LRP1B: variants seen among roughly 807,000 people sequenced by gnomAD.
LRP1B encodes the protein low-density lipoprotein receptor-related protein 1B.
Under a neutral mutation model 556.6 loss-of-function variants are expected in LRP1B, and 217 were observed. The ratio of observed to expected loss-of-function variants is 0.39; its 90% CI spans 0.35 to 0.44. The LOEUF (loss-of-function observed/expected upper bound fraction) is 0.44. Among genes scored for constraint, LRP1B ranks in the 20% least tolerant of loss-of-function variants. The pLI is 1.00. For synonymous variants in LRP1B, 2,047 were observed against 1,865.8 expected (o/e 1.10, Z -2.50); for missense variants, 5,053 against 5,620.8 (o/e 0.90, Z 3.23).
intron 2 of LRP1B, among the ~76,000 whole-genome samples, chr2:141,507,121 T>A (rs1683960615): frequency 6.6e-6 from 1 of 152,148 alleles, no homozygotes; most frequent in Non-Finnish European, 1.5e-5. Context: ...ATACAGTAAG[T>A]AAAATAATTT....
At chr2:141,237,943 A>G (rs1421910216) in intron 5 of LRP1B, among the ~76,000 whole-genome samples, 1 of 152,156 alleles carries the variant, frequency 6.6e-6, no homozygotes, top group Non-Finnish European at 1.5e-5. Flanking sequence ...GAACTCCTCA[A>G]TGTTTTTTAA....
intron 2 of LRP1B, among the ~76,000 whole-genome samples, chr2:141,682,152 G>A (rs1457600722): frequency 6.6e-6 from 1 of 151,984 alleles, no homozygotes. Flanking sequence ...TTGAGTTTAG[G>A]GATATAGAAA....
chr2:141,026,385 A>T (rs1232383565), intron 11 of LRP1B, among the ~76,000 whole-genome samples: 2 of 152,104 alleles, frequency 1.3e-5, no homozygotes, highest in Non-Finnish European at 1.5e-5. Flanking sequence ...TGTTTACTGA[A>T]CTTTAAAAAA....
chr2:141,784,124 A>C (rs1695348839), intron 2 of LRP1B, among the ~76,000 whole-genome samples: 1 of 152,002 alleles, frequency 6.6e-6, no homozygotes, highest in Admixed American at 6.6e-5. Context: ...GAAATTACAA[A>C]AACTATCCTT....
At chr2:141,413,868 G>A (rs552896180) in intron 3 of LRP1B, among the ~76,000 whole-genome samples, 40 of 148,216 alleles carry the variant, frequency 2.7e-4, no homozygotes, top group African/African-American at 6.9e-4. Flanking sequence ...GACACAGTGA[G>A]GAGAGAGAGA....
intron 1 of LRP1B, among the ~76,000 whole-genome samples, chr2:142,102,561 T>A (rs5834899): frequency 5.9e-4 from 28 of 47,132 alleles, no homozygotes; most frequent in African/African-American, 1.0e-3. Context: ...AATAAAAAAA[T>A]AAAAAAGTAA....
At chr2:140,394,931 ATACT>A (rs1364785136) in intron 66 of LRP1B, among the ~76,000 whole-genome samples, 1 of 152,122 alleles carries the variant, frequency 6.6e-6, no homozygotes, top group Non-Finnish European at 1.5e-5. Flanking sequence ...GAGTAAAGAC[ATACT>A]TATAAATGGA....
rs189677775 is a variant in LRP1B at position 141,167,409 on chromosome 2, C to T, written c.1013+21012G>A. 1.7e-3 allele frequency: 264 copies of T among 151,860 alleles called. 2 individuals are homozygous for T. Among genetic ancestry groups the T allele is most frequent in the African/African-American group, 6.0e-3 (251 of 41,504 alleles). The allele number at this position is 151,860 out of a possible 1,614,324, so 9.4% of individuals were successfully genotyped here. On this transcript the variant is annotated intron_variant, in intron 7 of 90. Transcript: ENST00000389484. ...AGTTCCCATTATATTTTCCAATAAT[C>T]GTGTCTATATAGATTAACCCAAAGA...
intron 1 of LRP1B, among the ~76,000 whole-genome samples, chr2:141,990,578 T>C (rs1702314865): frequency 6.6e-6 from 1 of 152,054 alleles, no homozygotes; most frequent in Non-Finnish European, 1.5e-5. Context: ...TAAACTTTAC[T>C]CTTAGACCAT....
intron 1 of LRP1B, among the ~76,000 whole-genome samples, chr2:141,885,659 A>G (rs11900370): frequency 0.078 from 11,900 of 152,242 alleles, 1,554 homozygotes; most frequent in African/African-American, 0.27. Context: ...CAGGTCTGCA[A>G]CCAAGTGAAC....
intron 2 of LRP1B, among the ~76,000 whole-genome samples, chr2:141,515,036 C>T (rs1208435052): frequency 1.3e-5 from 2 of 152,156 alleles, no homozygotes; most frequent in Non-Finnish European, 2.9e-5. Flanking sequence ...GGCATGGTGG[C>T]TCACGCCTGT....
chr2:141,076,157 G>A (rs1271222164), intron 7 of LRP1B, among the ~76,000 whole-genome samples: 1 of 152,156 alleles, frequency 6.6e-6, no homozygotes, highest in Non-Finnish European at 1.5e-5. Context: ...CAGGAATGCA[G>A]TATCAACCTC....
chr2:140,594,770 C>T (rs555729612), intron 43 of LRP1B, among the ~76,000 whole-genome samples: 6 of 152,134 alleles, frequency 3.9e-5, no homozygotes, highest in Non-Finnish European at 8.8e-5. Flanking sequence ...TGCAATTATG[C>T]AAAATAAATG....
At position 141,049,183 on chromosome 2, in the gene LRP1B, C is replaced by A. The variant is rs773459049; in HGVS notation, c.1592G>T (p.Arg531Leu). The A allele has an allele frequency of 2.5e-6, 4 of 1,613,228 alleles. No individual in the cohort carries two copies. Among genetic ancestry groups the A allele is most frequent in the Admixed American group, 3.3e-5 (2 of 59,908 alleles). Residue 531 changes from arginine (R) to leucine (L), a missense_variant, in exon 11 of 91, where the codon CGC (arginine) becomes CTC (leucine). Transcript: ENST00000389484. ...GTCCATTCCTCTAACAATTCCTGGG[C>A]GTCCTTTCCCATAAAAGAGGAACAA... The part of the protein sequence containing the change: ...NELFLFYGKG[R>L]PGIVRGMDLN...
intron 2 of LRP1B, among the ~76,000 whole-genome samples, chr2:141,643,976 G>A (rs958313551): frequency 6.6e-6 from 1 of 151,218 alleles, no homozygotes; most frequent in African/African-American, 2.4e-5. Context: ...GCACATGATA[G>A]GTGCACAATA....
At chr2:141,980,562 T>C (rs1702014885) in intron 1 of LRP1B, among the ~76,000 whole-genome samples, 1 of 152,110 alleles carries the variant, frequency 6.6e-6, no homozygotes, top group African/African-American at 2.4e-5. Context: ...GAAAGATGGT[T>C]GTAAAAATAA....
intron 18 of LRP1B, among the ~76,000 whole-genome samples, chr2:140,973,067 TATA>T (rs1370347674): frequency 5.4e-5 from 8 of 146,852 alleles, no homozygotes; most frequent in Non-Finnish European, 1.2e-4. Context: ...TATATATATA[TATA>T]TATATATATA....
intron 14 of LRP1B, among the ~76,000 whole-genome samples, chr2:141,006,977 C>A (rs2105376014): frequency 1.3e-5 from 2 of 152,040 alleles, no homozygotes; most frequent in South Asian, 4.1e-4. Flanking sequence ...TTAAAAAGAA[C>A]TCAACACTAG....
At chr2:141,265,515 A>C (rs568445306) in intron 3 of LRP1B, among the ~76,000 whole-genome samples, 2 of 152,202 alleles carry the variant, frequency 1.3e-5, no homozygotes, top group Admixed American at 6.5e-5. Flanking sequence ...TCATTCCTTA[A>C]TTTGTTCTTT....
Sources: gnomAD v4.1 joint callset for allele counts (sites outside exome capture counted in the v4.1 genomes callset) on GRCh38, gnomAD v4.1.1 for gene constraint, MANE v1.5 for transcripts, NCBI Gene and HGNC (gene_info 2026-07-23, HGNC 2026-07-21) for gene names.